The following LDLRAD4 variants were observed in gnomAD, a reference collection of about 807,000 sequenced individuals.
LDLRAD4 encodes low-density lipoprotein receptor class A domain-containing protein 4.
In LDLRAD4, 5 loss-of-function variants were observed where a neutral mutation model predicts 17.0. The observed-to-expected ratio is 0.29, with a 90% confidence interval of 0.15 to 0.62. The LOEUF (loss-of-function observed/expected upper bound fraction) is 0.62. Among genes scored for constraint, LDLRAD4 ranks in the 20% least tolerant of loss-of-function variants. LDLRAD4 has a pLI of 0.84. For synonymous variants in LDLRAD4, 168 were observed against 171.8 expected, an observed-to-expected ratio of 0.98 and a Z score of 0.17; for missense variants, 340 against 424.7, an observed-to-expected ratio of 0.80 and a Z score of 1.75.
At chr18:13,246,475 T>G (rs2042961729) in intron 1 of LDLRAD4, among the ~76,000 whole-genome samples, 1 of 152,218 alleles carries the variant, frequency 6.6e-6, no homozygotes, top group African/African-American at 2.4e-5. Flanking sequence ...TGATTGGTGA[T>G]GAGGAGATGG....
At chr18:13,223,621 G>T (rs1422356794) in intron 1 of LDLRAD4, among the ~76,000 whole-genome samples, 4 of 152,218 alleles carry the variant, frequency 2.6e-5, no homozygotes, top group Non-Finnish European at 5.9e-5. Context: ...CCGCTGGAGA[G>T]GCTGTAGGAG....
Position 13,645,488 on chromosome 18 carries a change from C to T in LDLRAD4, c.752C>T (p.Pro251Leu). ...AGCAGTAACGGGAGGATGGAGGGGC[C>T]ACCCCCCACATACAGCGAGGTGATG... Residue 251 changes from proline (P) to leucine (L), a missense_variant, in exon 6 of 6, where the codon CCA becomes CTA. Pro to Leu is a moderately conservative substitution (Grantham distance 98). Coordinates refer to ENST00000359446, the Ensembl canonical transcript of LDLRAD4. The surrounding 1 kb of genome is among the most constrained non-coding windows in gnomAD (Gnocchi z 5.7). 6.2e-7 allele frequency: 1 copy of T among 1,610,724 alleles called. No individual in the cohort carries two copies. The highest frequency in any genetic ancestry group is 2.2e-5 in the East Asian group (1 of 44,860).
At chr18:13,465,863 G>A (rs895577447) in intron 3 of LDLRAD4, among the ~76,000 whole-genome samples, 3 of 152,110 alleles carry the variant, frequency 2.0e-5, no homozygotes, top group African/African-American at 4.8e-5. Flanking sequence ...GGCCTCTCTT[G>A]TCTAGAATCT....
intron 1 of LDLRAD4, among the ~76,000 whole-genome samples, chr18:13,288,717 A>G (rs914836915): frequency 7.2e-6 from 1 of 139,358 alleles, no homozygotes; most frequent in African/African-American, 2.6e-5. Context: ...GGGCCACGGT[A>G]GCAGCCCCAC....
At chr18:13,362,677 T>A (rs2083756401) in intron 1 of LDLRAD4, 1 of 152,220 alleles carries the variant, frequency 6.6e-6, no homozygotes. Flanking sequence ...GTGTGATAGA[T>A]TAATGGTATG....
At chr18:13,380,249 C>G (rs1204056724) in intron 1 of LDLRAD4, among the ~76,000 whole-genome samples, 2 of 152,206 alleles carry the variant, frequency 1.3e-5, no homozygotes, top group Non-Finnish European at 2.9e-5. Context: ...GGTTCGGGCC[C>G]TGGAAAGCAG....
At chr18:13,567,348 T>A (rs903989344) in intron 3 of LDLRAD4, among the ~76,000 whole-genome samples, 13 of 152,192 alleles carry the variant, frequency 8.5e-5, no homozygotes, top group African/African-American at 3.1e-4. Context: ...AAGGCAGAGA[T>A]GAGGGGCTTG....
chr18:13,444,079 C>T (rs1357284583), intron 3 of LDLRAD4, among the ~76,000 whole-genome samples: 4 of 152,164 alleles, frequency 2.6e-5, no homozygotes, highest in Non-Finnish European at 4.4e-5. Flanking sequence ...TCCCCATCAA[C>T]GATTTGATTA....
At chr18:13,526,152 C>G (rs2094028790) in intron 3 of LDLRAD4, 1 of 152,150 alleles carries the variant, frequency 6.6e-6, no homozygotes, top group Non-Finnish European at 1.5e-5. Flanking sequence ...GATATATCCT[C>G]TGTGCATTTT....
chr18:13,634,702 GA>G (rs1464896557), intron 4 of LDLRAD4, among the ~76,000 whole-genome samples: 1 of 146,820 alleles, frequency 6.8e-6, no homozygotes, highest in Non-Finnish European at 1.5e-5. Context: ...GCTTTTTGCA[GA>G]AATAGGAAAA....
intron 3 of LDLRAD4, among the ~76,000 whole-genome samples, chr18:13,483,831 G>A (rs1034266851): frequency 1.3e-5 from 2 of 152,092 alleles, no homozygotes; most frequent in Admixed American, 6.5e-5. Context: ...ACTCACTAGC[G>A]CTCCGTCTGT....
intron 3 of LDLRAD4, among the ~76,000 whole-genome samples, chr18:13,538,821 T>C (rs78244334): frequency 0.01 from 1,546 of 152,332 alleles, 31 homozygotes; most frequent in African/African-American, 0.036. Flanking sequence ...CCACTGTGCC[T>C]GGCCTTATGA....
At chr18:13,505,979 C>T (rs1296038363) in intron 3 of LDLRAD4, among the ~76,000 whole-genome samples, 6 of 152,140 alleles carry the variant, frequency 3.9e-5, no homozygotes, top group South Asian at 2.1e-4. Context: ...CTGCACTGCA[C>T]GAGCTGTCAC....
chr18:13,570,325 G>A (rs182523507), intron 3 of LDLRAD4, among the ~76,000 whole-genome samples: 9 of 152,294 alleles, frequency 5.9e-5, no homozygotes, highest in African/African-American at 1.2e-4. Context: ...TCGGGTCTCC[G>A]TGACCTTGTC....
At chr18:13,580,851 G>A (rs1386476267) in intron 3 of LDLRAD4, among the ~76,000 whole-genome samples, 5 of 152,186 alleles carry the variant, frequency 3.3e-5, no homozygotes, top group Admixed American at 2.0e-4. Flanking sequence ...AAGCAGCATC[G>A]CTTAACTATT....
intron 3 of LDLRAD4, among the ~76,000 whole-genome samples, chr18:13,596,136 CT>C (rs1343589746): frequency 5.9e-5 from 9 of 152,048 alleles, no homozygotes; most frequent in Admixed American, 5.9e-4. Context: ...TTTATTATCC[CT>C]TGTAACTTTT....
intron 3 of LDLRAD4, among the ~76,000 whole-genome samples, chr18:13,449,954 C>A (rs568984403): frequency 6.6e-6 from 1 of 152,308 alleles, no homozygotes; most frequent in South Asian, 2.1e-4. Context: ...GACCTTCCAT[C>A]ACGGGATGTA....
At chr18:13,275,966 A>G (rs1041850484), upstream of LDLRAD4, among the ~76,000 whole-genome samples, 4 of 152,206 alleles carry the variant, frequency 2.6e-5, no homozygotes, top group African/African-American at 9.6e-5. Context: ...ATATGCATAT[A>G]TGCTTTATAT....
At chr18:13,324,647 C>A (rs1599415784) in intron 1 of LDLRAD4, among the ~76,000 whole-genome samples, 1 of 152,090 alleles carries the variant, frequency 6.6e-6, no homozygotes. Context: ...TGGGCTGCTG[C>A]TGATGATCTG....
Sources: gnomAD v4.1 joint callset for allele counts (sites outside exome capture counted in the v4.1 genomes callset) on GRCh38, gnomAD v4.1.1 for gene constraint, Gnocchi (gnomAD v3.1) non-coding constraint, MANE v1.5 for transcripts, NCBI Gene and HGNC (gene_info 2026-07-23, HGNC 2026-07-21) for gene names.